PALM2AKAP2: variants seen among roughly 807,000 people sequenced by gnomAD.
The protein encoded by PALM2AKAP2 is PALM2 and AKAP2 fusion.
In PALM2AKAP2, 37 loss-of-function variants were observed where a neutral mutation model predicts 71.5. The observed-to-expected ratio is 0.52, with a 90% confidence interval of 0.40 to 0.68. The LOEUF is 0.68. PALM2AKAP2 is among the 30% of genes least tolerant of loss of function. The probability of loss-of-function intolerance (pLI) is 0.00; values close to 1 mark genes in which losing one functional copy is unlikely to be tolerated. For missense variants in PALM2AKAP2, 1,224 were observed against 1,191.8 expected (o/e 1.03, Z -0.40); for synonymous variants, 468 against 478.8 (o/e 0.98, Z 0.29).
chr9:109,698,559 G>A (rs929835870), intron 1 of PALM2AKAP2, among the ~76,000 whole-genome samples: 5 of 152,142 alleles, frequency 3.3e-5, no homozygotes, highest in Admixed American at 2.6e-4. Flanking sequence ...GATTATAGGC[G>A]TGAGCCACCA....
intron 6 of PALM2AKAP2, among the ~76,000 whole-genome samples, chr9:109,985,607 G>A (rs1315158815): frequency 1.6e-5 from 2 of 123,368 alleles, no homozygotes; most frequent in East Asian, 2.5e-4. Context: ...GCGACAGAAC[G>A]AGACTCCGTC....
At chr9:110,135,152 CAAA>C (rs1198538795) in intron 1 of PALM2AKAP2, among the ~76,000 whole-genome samples, 5 of 27,020 alleles carry the variant, frequency 1.9e-4, no homozygotes, top group African/African-American at 7.5e-4. Context: ...TCTGTCTCTA[CAAA>C]AAAAAAAAAA....
intron 1 of PALM2AKAP2, among the ~76,000 whole-genome samples, chr9:109,721,259 C>T (rs1166781074): frequency 1.3e-5 from 2 of 152,158 alleles, no homozygotes; most frequent in African/African-American, 2.4e-5. Flanking sequence ...AGGCTGAGCT[C>T]ACACTGTGAA....
At chr9:109,927,478 A>T (rs887183335) in intron 5 of PALM2AKAP2, among the ~76,000 whole-genome samples, 2 of 152,214 alleles carry the variant, frequency 1.3e-5, no homozygotes, top group Non-Finnish European at 2.9e-5. Context: ...TCCAGTTAGG[A>T]TTATGTAACT....
intron 1 of PALM2AKAP2, among the ~76,000 whole-genome samples, chr9:109,852,182 A>G (rs1241719322): frequency 6.6e-6 from 1 of 152,182 alleles, no homozygotes; most frequent in Non-Finnish European, 1.5e-5. Context: ...GCTGAGGTTT[A>G]GGCATCTAAT....
chr9:109,971,645 C>T (rs1317945189), intron 6 of PALM2AKAP2, among the ~76,000 whole-genome samples: 5 of 152,158 alleles, frequency 3.3e-5, no homozygotes, highest in Non-Finnish European at 7.3e-5. Flanking sequence ...AGGCTGATCT[C>T]GAACTCCTTA....
intron 6 of PALM2AKAP2, among the ~76,000 whole-genome samples, chr9:109,957,225 G>A (rs560572480): frequency 1.3e-4 from 20 of 152,328 alleles, no homozygotes; most frequent in African/African-American, 4.8e-4. Flanking sequence ...ATCTGATTGG[G>A]CTCTTGCTGA....
intron 1 of PALM2AKAP2, among the ~76,000 whole-genome samples, chr9:110,072,717 T>A (rs1378882450): frequency 2.0e-5 from 3 of 152,188 alleles, no homozygotes; most frequent in Non-Finnish European, 4.4e-5. Context: ...TCTGTCCTCA[T>A]GATCTTGCCC....
intron 1 of PALM2AKAP2, among the ~76,000 whole-genome samples, chr9:109,781,495 T>C (rs1353982480): frequency 6.6e-6 from 1 of 152,278 alleles, no homozygotes; most frequent in Non-Finnish European, 1.5e-5. Flanking sequence ...GGAAGTTCTC[T>C]GGAAACACAT....
chr9:109,900,332 G>A (rs956672330), intron 3 of PALM2AKAP2, among the ~76,000 whole-genome samples: 1 of 152,206 alleles, frequency 6.6e-6, no homozygotes, highest in Non-Finnish European at 1.5e-5. Flanking sequence ...AAATGATTAA[G>A]TAGGTATCCA....
intron 1 of PALM2AKAP2, among the ~76,000 whole-genome samples, chr9:109,844,184 T>C (rs937483354): frequency 1.3e-5 from 2 of 152,310 alleles, no homozygotes; most frequent in African/African-American, 2.4e-5. Context: ...ACAGCAACCA[T>C]GTAGAGTAAG....
chr9:110,049,739 C>A (rs1833673086), intron 1 of PALM2AKAP2, among the ~76,000 whole-genome samples: 1 of 152,176 alleles, frequency 6.6e-6, no homozygotes, highest in African/African-American at 2.4e-5. Flanking sequence ...CCCAAGAAAT[C>A]CCAGAGAAAC....
chr9:110,038,329 AAAAC>A (rs72079683), intron 7 of PALM2AKAP2, among the ~76,000 whole-genome samples: 36,013 of 151,314 alleles, frequency 0.24, 5,139 homozygotes, highest in Admixed American at 0.34. Flanking sequence ...CCCTGTCTCA[AAAAC>A]AAACAAACAA....
intron 3 of PALM2AKAP2, among the ~76,000 whole-genome samples, chr9:109,891,485 TTG>T (rs55756726): frequency 2.6e-5 from 4 of 151,312 alleles, no homozygotes; most frequent in South Asian, 2.1e-4. Context: ...ACTCATCATT[TTG>T]TGTGTGTGTG....
chr9:109,990,325 G>A (rs148766838), intron 6 of PALM2AKAP2, among the ~76,000 whole-genome samples: 151 of 152,194 alleles, frequency 9.9e-4, no homozygotes, highest in Non-Finnish European at 1.8e-3. Context: ...CTCCCAAAGC[G>A]CTGGGACTAC....
At chr9:109,876,492 T>C (rs12552781) in intron 2 of PALM2AKAP2, among the ~76,000 whole-genome samples, 33,395 of 152,116 alleles carry the variant, frequency 0.22, 4,293 homozygotes, top group Non-Finnish European at 0.28. Flanking sequence ...TTCTTTCTTT[T>C]TTTTGAGACA....
chr9:109,914,546 G>A (rs1386110483), intron 3 of PALM2AKAP2, among the ~76,000 whole-genome samples: 3 of 152,224 alleles, frequency 2.0e-5, no homozygotes, highest in African/African-American at 7.2e-5. Context: ...CCTCTGAGCA[G>A]CAAACACTTC....
At chr9:110,030,048 T>C (rs867361630) in intron 7 of PALM2AKAP2, among the ~76,000 whole-genome samples, 6 of 152,190 alleles carry the variant, frequency 3.9e-5, no homozygotes, top group African/African-American at 1.4e-4. Context: ...CTCTGAAATT[T>C]CGTTGAAAAA....
chr9:110,160,679 T>G (rs537365744), intron 3 of PALM2AKAP2, among the ~76,000 whole-genome samples: 1 of 152,138 alleles, frequency 6.6e-6, no homozygotes, highest in Non-Finnish European at 1.5e-5. Context: ...AGATGATGGG[T>G]CATTGAGTCA....
Sources: gnomAD v4.1 joint callset for allele counts (sites outside exome capture counted in the v4.1 genomes callset) on GRCh38, gnomAD v4.1.1 for gene constraint, MANE v1.5 for transcripts, NCBI Gene and HGNC (gene_info 2026-07-23, HGNC 2026-07-21) for gene names.